HAO1: variants seen among roughly 807,000 people sequenced by gnomAD.
HAO1 encodes the protein 2-Hydroxyacid oxidase 1.
HAO1 carries 34 observed loss-of-function variants against 39.7 expected under a neutral mutation model. The ratio of observed to expected loss-of-function variants is 0.86; its 90% CI spans 0.65 to 1.14. The LOEUF is 1.14. HAO1 is among the 50% of genes most tolerant of loss of function. The probability of loss-of-function intolerance (pLI) is 0.00; values close to 1 mark genes in which losing one functional copy is unlikely to be tolerated. For missense variants in HAO1, 479 were observed against 464.5 expected (o/e 1.03, Z -0.29); for synonymous variants, 172 against 173.2 (o/e 0.99, Z 0.05).
At chr20:7,889,755 A>T (rs1277297170) in intron 5 of HAO1, among the ~76,000 whole-genome samples, 4 of 152,204 alleles carry the variant, frequency 2.6e-5, no homozygotes, top group African/African-American at 9.6e-5. Flanking sequence ...CTTGTGCACC[A>T]ACCTAATAGA....
At chr20:7,919,704 T>C (rs991933636) in intron 2 of HAO1, among the ~76,000 whole-genome samples, 8 of 152,254 alleles carry the variant, frequency 5.3e-5, no homozygotes, top group Middle Eastern at 3.4e-3. Context: ...ACGTTTTCTG[T>C]GTAATCTCTG....
Position 7,926,296 on chromosome 20 carries a change from G to A in HAO1, c.289+8188C>T, listed in dbSNP as rs2142697. On this transcript the variant is annotated intron_variant, in intron 2 of 7. Coordinates refer to ENST00000378789, the MANE Select transcript of HAO1 (RefSeq NM_017545.3). ...TATTGTAAGGATTAATCACAAGAAC[G>A]TAAAGTCCAAGCATTGCACCTGATA... Among the ~76,000 whole-genome samples the A allele has an allele frequency of 0.31, 47,640 of 151,874 alleles. 8,932 individuals carry two copies. Among genetic ancestry groups the A allele is most frequent in the East Asian group, 0.51 (2,635 of 5,158 alleles).
At chr20:7,931,869 G>C (rs1470844013) in intron 2 of HAO1, among the ~76,000 whole-genome samples, 1 of 152,110 alleles carries the variant, frequency 6.6e-6, no homozygotes, top group Non-Finnish European at 1.5e-5. Flanking sequence ...ATGAAAAACT[G>C]TTTTCTCTGG....
At chr20:7,935,694 T>G (rs2050406886) in intron 1 of HAO1, among the ~76,000 whole-genome samples, 2 of 152,210 alleles carry the variant, frequency 1.3e-5, no homozygotes, top group African/African-American at 2.4e-5. Flanking sequence ...TGTGTTGGAA[T>G]GAAAATTACC....
At chr20:7,885,489 A>T (rs2050146388) in intron 7 of HAO1, 32 bp downstream of exon 7, 1 of 1,433,498 alleles carries the variant, frequency 7.0e-7, no homozygotes, top group African/African-American at 1.4e-5. Flanking sequence ...ATCATAAAAG[A>T]AAAGAAAGTT....
chr20:7,912,850 A>T (rs776991830), intron 3 of HAO1, among the ~76,000 whole-genome samples: 1 of 152,200 alleles, frequency 6.6e-6, no homozygotes, highest in Non-Finnish European at 1.5e-5. Flanking sequence ...ATGATATCCT[A>T]AACCAGCCTG....
intron 2 of HAO1, among the ~76,000 whole-genome samples, chr20:7,930,446 G>T (rs755675278): frequency 1.3e-5 from 2 of 152,066 alleles, no homozygotes; most frequent in Non-Finnish European, 2.9e-5. Flanking sequence ...ACTTAAATTT[G>T]CCTGTGGCTA....
intron 1 of HAO1, among the ~76,000 whole-genome samples, chr20:7,936,552 G>GTGTGTGTGTT (rs1488706496): frequency 6.7e-6 from 1 of 148,280 alleles, no homozygotes; most frequent in South Asian, 2.1e-4. Flanking sequence ...GTGTGTTCGC[G>GTGTGTGTGTT]CGCGCGCGCG....
chr20:7,899,174 A>T (rs1189355743), intron 4 of HAO1, among the ~76,000 whole-genome samples: 1 of 151,690 alleles, frequency 6.6e-6, no homozygotes, highest in Non-Finnish European at 1.5e-5. Flanking sequence ...TAAATCCCAC[A>T]TCTGCTGCTC....
chr20:7,885,826 C>T lies in HAO1; in HGVS notation c.852G>A (p.Gly284=). Residue 284 remains glycine, a synonymous_variant, in exon 6 of 8, where the codon GGG becomes GGA. Transcript: ENST00000378789. ...CCCCGTCCAGGAAGACTTCCACCTT[C>T]CCTTCCACAGCCTCCACAATTTCTG... ...VLPEIVEAVE[G]KVEVFLDGGV... is the part of the protein sequence containing the mutation. The T allele has an allele frequency of 1.1e-5, 17 of 1,613,720 alleles. No homozygotes were observed. The highest frequency in any genetic ancestry group is 1.4e-5 in the Non-Finnish European group (16 of 1,179,664).
At chr20:7,902,715 GA>G (rs937440933) in intron 4 of HAO1, among the ~76,000 whole-genome samples, 3 of 152,026 alleles carry the variant, frequency 2.0e-5, no homozygotes, top group African/African-American at 7.2e-5. Context: ...TAAATTAAAA[GA>G]AAAAGAAAAG....
At chr20:7,919,730 A>G (rs925228127) in intron 2 of HAO1, among the ~76,000 whole-genome samples, 18 of 152,168 alleles carry the variant, frequency 1.2e-4, no homozygotes, top group African/African-American at 4.1e-4. Flanking sequence ...ATGCAATTGT[A>G]AAGGGTAAGG....
At chr20:7,936,390 A>T (rs759496943) in intron 1 of HAO1, among the ~76,000 whole-genome samples, 4 of 152,136 alleles carry the variant, frequency 2.6e-5, no homozygotes, top group Non-Finnish European at 4.4e-5. Flanking sequence ...AGAGAAAACG[A>T]TCTTAATAGC....
At chr20:7,928,775 G>A (rs2050372792) in intron 2 of HAO1, among the ~76,000 whole-genome samples, 1 of 152,160 alleles carries the variant, frequency 6.6e-6, no homozygotes, top group African/African-American at 2.4e-5. Flanking sequence ...TGTCCCAGAT[G>A]TACAGCCTAG....
At chr20:7,903,178 C>G (rs1024305224) in intron 4 of HAO1, among the ~76,000 whole-genome samples, 9 of 152,010 alleles carry the variant, frequency 5.9e-5, no homozygotes, top group African/African-American at 2.2e-4. Flanking sequence ...AGAGATGATT[C>G]TTGTTTGTTA....
At chr20:7,892,344 G>A (rs530526331) in intron 5 of HAO1, among the ~76,000 whole-genome samples, 54 of 152,186 alleles carry the variant, frequency 3.5e-4, no homozygotes, top group African/African-American at 1.3e-3. Flanking sequence ...CTTGGCCTCT[G>A]AAAGTGCTGG....
At chr20:7,910,180 G>A (rs1281197566) in intron 3 of HAO1, among the ~76,000 whole-genome samples, 1 of 152,130 alleles carries the variant, frequency 6.6e-6, no homozygotes, top group Non-Finnish European at 1.5e-5. Context: ...CCCATGGTAA[G>A]CATAATCAAT....
intron 2 of HAO1, among the ~76,000 whole-genome samples, chr20:7,919,274 T>A (rs1482062243): frequency 6.6e-6 from 1 of 152,208 alleles, no homozygotes; most frequent in Non-Finnish European, 1.5e-5. Context: ...ACTCACTGAC[T>A]CTTTCATTGT....
At chr20:7,892,875 A>G (rs1450022570) in intron 5 of HAO1, among the ~76,000 whole-genome samples, 2 of 152,196 alleles carry the variant, frequency 1.3e-5, no homozygotes, top group African/African-American at 4.8e-5. Flanking sequence ...TGTGTAAATC[A>G]CATTATGAAA....
Sources: gnomAD v4.1 joint callset for allele counts (sites outside exome capture counted in the v4.1 genomes callset) on GRCh38, gnomAD v4.1.1 for gene constraint, MANE v1.5 for transcripts, NCBI Gene and HGNC (gene_info 2026-07-23, HGNC 2026-07-21) for gene names.